Variants in CEP162 observed in about 807,000 individuals in gnomAD.
The protein encoded by CEP162 is centrosomal protein 162.
In CEP162, 141 loss-of-function variants were observed where a neutral mutation model predicts 169.2. The observed-to-expected ratio is 0.83, with a 90% confidence interval of 0.73 to 0.96. CEP162 has a LOEUF of 0.96. Ranked by LOEUF, CEP162 falls within the 40% of genes least tolerant of loss-of-function variation. The probability of loss-of-function intolerance (pLI) is 0.00; values close to 1 mark genes in which losing one functional copy is unlikely to be tolerated. For synonymous variants in CEP162, 540 were observed against 526.4 expected (o/e 1.03, Z -0.35); for missense variants, 1,600 against 1,587.2 (o/e 1.01, Z -0.14).
In CEP162 at chr6:84,163,214, A is replaced by G. The variant is rs766396289; in HGVS notation, c.2442T>C (p.Ala814=). Residue 814 remains alanine (A), a synonymous_variant, in exon 19 of 27, where the codon GCT becomes GCC. Transcript: ENST00000403245. ...TCATTTTTTCGAAGTCTACTTCAAG[A>G]GCTTGTTTGTCTTGTTTCAGTCTTT... ...DIKRLKQDKQ[A]LEVDFEKMKK... is the part of the protein sequence containing the mutation. The G allele has an allele frequency of 8.7e-6, 14 of 1,611,870 alleles. No individual in the cohort carries two copies. Among genetic ancestry groups the G allele is most frequent in the Non-Finnish European group, 9.3e-6 (11 of 1,178,242 alleles).
chr6:84,201,024 A>T, intron 8 of CEP162, 119 bp from the exon 9 acceptor site: 5 of 475,166 alleles, frequency 1.1e-5, no homozygotes, highest in Non-Finnish European at 1.9e-5. Flanking sequence ...CACGCCTGTA[A>T]TCCCAGCACT....
chr6:84,159,600 C>T (rs1462406519), intron 21 of CEP162, among the ~76,000 whole-genome samples: 1 of 95,498 alleles, frequency 1.0e-5, no homozygotes, highest in Non-Finnish European at 2.0e-5. Context: ...AGTTTTGCTC[C>T]ATCACCCAGG....
intron 18 of CEP162, among the ~76,000 whole-genome samples, chr6:84,163,512 T>A (rs1192925315): frequency 6.6e-6 from 1 of 152,030 alleles, no homozygotes; most frequent in African/African-American, 2.4e-5. Flanking sequence ...TTCTAACTTC[T>A]TCCATATACT....
intron 6 of CEP162, among the ~76,000 whole-genome samples, chr6:84,211,836 C>T (rs2099549607): frequency 1.3e-5 from 2 of 148,876 alleles, no homozygotes; most frequent in Admixed American, 6.7e-5. Context: ...GATGCTCAAC[C>T]AACTCTGAAC....
At chr6:84,182,924 ATC>A (rs2099535545) in intron 13 of CEP162, among the ~76,000 whole-genome samples, 1 of 152,106 alleles carries the variant, frequency 6.6e-6, no homozygotes, top group Admixed American at 6.6e-5. Flanking sequence ...CTGAACACTA[ATC>A]TCATCTCAAA....
At chr6:84,216,527 C>T (rs1020966685) in intron 3 of CEP162, among the ~76,000 whole-genome samples, 1 of 151,830 alleles carries the variant, frequency 6.6e-6, no homozygotes. Context: ...CTGTTGGGGA[C>T]GGGAGGGTAT....
rs139054796 is a variant in CEP162 at position 84,144,981 on chromosome 6, A to G, written c.3870+1706T>C. The stretch of plus-strand genomic sequence containing the variant: ...AGTAAGAATCTGTTCTCTTTGTAAC[A>G]CAACTGGAAACATCAGTTATACTAT... On this transcript the variant is annotated intron_variant, in intron 25 of 26. Coordinates refer to ENST00000403245, the MANE Select transcript of CEP162 (RefSeq NM_014895.4). Among the ~76,000 whole-genome samples, 957 of 152,290 alleles carry G rather than the reference A, an allele frequency of 6.3e-3. 4 individuals carry two copies. Among genetic ancestry groups the G allele is most frequent in the African/African-American group, 0.022 (921 of 41,582 alleles).
At chr6:84,139,327 T>A (rs2099515531) in intron 25 of CEP162, among the ~76,000 whole-genome samples, 1 of 152,176 alleles carries the variant, frequency 6.6e-6, no homozygotes, top group African/African-American at 2.4e-5. Context: ...ATCTACAAAT[T>A]GATTGTTCTT....
chr6:84,126,531 G>A lies in CEP162; in HGVS notation c.3871-19C>T. 1 of 1,473,178 alleles carries A rather than the reference G, an allele frequency of 6.8e-7. No homozygotes were observed. The highest frequency in any genetic ancestry group is 1.4e-5 in the African/African-American group (1 of 69,792). The allele number at this position is 1,473,178 out of a possible 1,614,324, so 91.3% of individuals were successfully genotyped here. A position where few individuals can be genotyped will look rare whatever the true frequency, so the allele number is the denominator to read the frequency against. On this transcript the variant is annotated intron_variant, in intron 25 of 26. Transcript: ENST00000403245. ...TTGTAATCTAAAATTGACATATGAAGCAAATGAAAAACTATAATCACAAGA... is the reference window on the plus strand; with the variant it reads ...TTGTAATCTAAAATTGACATATGAAACAAATGAAAAACTATAATCACAAGA...
chr6:84,211,916 C>G (rs963673373), intron 6 of CEP162, among the ~76,000 whole-genome samples: 5 of 144,368 alleles, frequency 3.5e-5, no homozygotes, highest in African/African-American at 1.3e-4. Context: ...AAGGATAAAA[C>G]CTTGAAAATA....
At chr6:84,226,661 T>C (rs2099555860) in intron 1 of CEP162, among the ~76,000 whole-genome samples, 1 of 152,246 alleles carries the variant, frequency 6.6e-6, no homozygotes, top group Non-Finnish European at 1.5e-5. Flanking sequence ...ACGTTCAGAA[T>C]TATGTTTTCA....
At chr6:84,174,630 T>A in intron 15 of CEP162, 97 bp downstream of exon 15, 1 of 646,370 alleles carries the variant, frequency 1.5e-6, no homozygotes, top group Non-Finnish European at 2.6e-6. Flanking sequence ...AAGTCAAACA[T>A]CTCTAGGAAC....
rs1562043573 is a variant in CEP162 at position 84,174,939 on chromosome 6, A to G, written c.1813T>C (p.Cys605Arg). ...AATTTCTTCTCCTTGTTCTCACCAC[A>G]GTATCCTAAGGAATCCTTTCAAGAC... ...IQFQTDSLGY[C>R]GENKEKKLLM... is the part of the protein sequence containing the mutation. Residue 605 changes from cysteine (C) to arginine (R), a missense_variant, in exon 15 of 27, where the codon TGT becomes CGT. Physicochemically the swap from Cys to Arg is radical, Grantham distance 180. Coordinates refer to ENST00000403245, the MANE Select transcript of CEP162 (RefSeq NM_014895.4). The G allele has an allele frequency of 6.3e-7, 1 of 1,598,790 alleles. No individual in the cohort carries two copies. Among genetic ancestry groups the G allele is most frequent in the Non-Finnish European group, 8.5e-7 (1 of 1,171,536 alleles).
chr6:84,155,549 T>G (rs1282239446), intron 21 of CEP162, 39 bp from the exon 22 acceptor site: 1 of 1,348,308 alleles, frequency 7.4e-7, no homozygotes, highest in South Asian at 1.2e-5. Flanking sequence ...CACTTAGATT[T>G]AATAAATGAA....
chr6:84,190,553 G>A (rs1250478135), intron 11 of CEP162, among the ~76,000 whole-genome samples: 1 of 152,092 alleles, frequency 6.6e-6, no homozygotes, highest in Non-Finnish European at 1.5e-5. Context: ...AGCCCAGCGA[G>A]ACCACGAGCC....
chr6:84,149,763 GT>G, intron 23 of CEP162, 60 bp from the exon 24 acceptor site: 1 of 1,370,562 alleles, frequency 7.3e-7, no homozygotes, highest in Middle Eastern at 1.9e-4. Flanking sequence ...CTAATTCAGA[GT>G]TAGCACAAAA....
intron 25 of CEP162, among the ~76,000 whole-genome samples, chr6:84,131,137 G>C (rs1308343697): frequency 2.2e-4 from 33 of 152,156 alleles, no homozygotes; most frequent in Admixed American, 2.2e-3. Flanking sequence ...CAGGAGCAGT[G>C]GTTCAGTTTC....
intron 18 of CEP162, among the ~76,000 whole-genome samples, chr6:84,163,615 A>C (rs911168732): frequency 1.3e-5 from 2 of 151,730 alleles, no homozygotes; most frequent in Admixed American, 6.6e-5. Context: ...CCTACAGTCT[A>C]TTCTCACAGC....
At chr6:84,170,406 T>C (rs1397397232) in intron 17 of CEP162, among the ~76,000 whole-genome samples, 1 of 127,288 alleles carries the variant, frequency 7.9e-6, no homozygotes, top group East Asian at 2.3e-4. Flanking sequence ...AAAAAAAGCG[T>C]AAGTAAATGC....
Sources: allele counts gnomAD v4.1 joint callset (sites outside exome capture counted in the v4.1 genomes callset), GRCh38; gene constraint gnomAD v4.1.1; transcripts MANE v1.5; gene names NCBI Gene and HGNC (gene_info 2026-07-23, HGNC 2026-07-21).